The following KDM2B variants were observed in gnomAD, a reference collection of about 807,000 sequenced individuals.
The protein encoded by KDM2B is lysine demethylase 2B.
In KDM2B, 26 loss-of-function variants were observed where a neutral mutation model predicts 150.0. That is an observed-to-expected ratio of 0.17 (90% CI 0.13 to 0.24). The LOEUF is 0.24. KDM2B is among the 10% of genes least tolerant of loss of function. KDM2B has a pLI of 1.00. For missense variants in KDM2B, 1,265 were observed against 1,816.9 expected, an observed-to-expected ratio of 0.70 and a Z score of 5.52; for synonymous variants, 734 against 729.5, an observed-to-expected ratio of 1.01 and a Z score of -0.10.
At chr12:121,455,014 T>C (rs1327988342) in intron 12 of KDM2B, among the ~76,000 whole-genome samples, 2 of 152,088 alleles carry the variant, frequency 1.3e-5, no homozygotes, top group Non-Finnish European at 2.9e-5. Context: ...AACTTTCTTC[T>C]CCAGTGCAGT....
intron 21 of KDM2B, chr12:121,440,361 G>A (rs1390311463): frequency 3.5e-5 from 17 of 480,924 alleles, no homozygotes; most frequent in Non-Finnish European, 4.9e-5. Context: ...CAGCATCTCC[G>A]ATCCCCATGG....
chr12:121,425,260 A>T (rs922436393), downstream of KDM2B, among the ~76,000 whole-genome samples: 5 of 150,228 alleles, frequency 3.3e-5, no homozygotes, highest in Admixed American at 6.7e-5. Flanking sequence ...GTGAGCCAAG[A>T]TCGTGCCATT....
chr12:121,444,919 G>A, intron 14 of KDM2B: 1 of 420,630 alleles, frequency 2.4e-6, no homozygotes, highest in Non-Finnish European at 4.4e-6. Context: ...GCTGGGGGAA[G>A]GAGTGTGGTG....
downstream of KDM2B, among the ~76,000 whole-genome samples, chr12:121,424,998 C>A (rs901002880): frequency 6.6e-6 from 1 of 152,142 alleles, no homozygotes; most frequent in East Asian, 1.9e-4. Context: ...GCTCTTAACC[C>A]TTCCAGTACC....
intron 12 of KDM2B, among the ~76,000 whole-genome samples, chr12:121,464,794 G>C (rs1215026964): frequency 1.3e-5 from 2 of 152,216 alleles, no homozygotes; most frequent in Non-Finnish European, 2.9e-5. Flanking sequence ...GGGTGGGACA[G>C]AGGTACAGAG....
At chr12:121,522,453 G>A (rs1403525063) in intron 8 of KDM2B, among the ~76,000 whole-genome samples, 1 of 151,228 alleles carries the variant, frequency 6.6e-6, no homozygotes, top group Non-Finnish European at 1.5e-5. Context: ...AGGTGAGGTT[G>A]CAGTGAGCCG....
intron 10 of KDM2B, among the ~76,000 whole-genome samples, chr12:121,511,427 C>T (rs1343912564): frequency 1.3e-5 from 2 of 151,922 alleles, no homozygotes; most frequent in Non-Finnish European, 2.9e-5. Context: ...CCTGGGATTA[C>T]AGGCATGTGC....
chr12:121,410,094 C>T, the KDM2B span, among the ~76,000 whole-genome samples: 28 of 151,848 alleles, frequency 1.8e-4, no homozygotes, highest in African/African-American at 5.8e-4. Flanking sequence ...GTAGAGGTTG[C>T]GGTGAGCCAA....
chr12:121,416,014 G>A, the KDM2B span: 24 of 615,146 alleles, frequency 3.9e-5, no homozygotes, highest in Non-Finnish European at 6.3e-5. Context: ...TTTCCAAATG[G>A]CTTGAAATTT....
intron 12 of KDM2B, among the ~76,000 whole-genome samples, chr12:121,457,445 A>G (rs1285712257): frequency 6.6e-6 from 1 of 151,910 alleles, no homozygotes; most frequent in Admixed American, 6.6e-5. Flanking sequence ...TATTTTTAGT[A>G]GAGATAGCAT....
In KDM2B at chr12:121,467,918, T is replaced by G. The variant is rs1311246813; in HGVS notation, c.1735-14574A>C. On this transcript the variant is annotated intron_variant, in intron 12 of 22. Transcript: ENST00000377071. The surrounding 1 kb of genome is among the most constrained non-coding windows in gnomAD (Gnocchi z 5.1). ...GAGCCTGCAGGACCGCTGGCCTGGA[T>G]AAGCTCTGAGAGCCCAGTCTCCCCC... 6.6e-6 allele frequency: 1 copy of G among 152,296 alleles called. No individual in the cohort carries two copies. Among genetic ancestry groups the G allele is most frequent in the Non-Finnish European group, 1.5e-5 (1 of 68,144 alleles). 9.4% of individuals were successfully genotyped at this position (152,296 alleles called of 1,614,324 possible).
chr12:121,420,541 AT>A, the KDM2B span: 3 of 1,607,874 alleles, frequency 1.9e-6, no homozygotes, highest in South Asian at 2.2e-5. Context: ...GTCTGGACTT[AT>A]GGGACCAGGG....
chr12:121,572,935 C>T (rs1404160177), intron 4 of KDM2B, among the ~76,000 whole-genome samples: 1 of 151,650 alleles, frequency 6.6e-6, no homozygotes, highest in Non-Finnish European at 1.5e-5. Context: ...AAGCTATTCT[C>T]CTGCCTCAGC....
intron 13 of KDM2B, among the ~76,000 whole-genome samples, chr12:121,446,158 G>C (rs1370651232): frequency 6.6e-6 from 1 of 152,210 alleles, no homozygotes; most frequent in African/African-American, 2.4e-5. Context: ...CACTTTGGGA[G>C]GCCAAGGCGG....
chr12:121,467,913 C>G lies in KDM2B; in HGVS notation c.1735-14569G>C, dbSNP rs1358825620. Reference sequence around the variant, plus strand: ...ACCCAGAGCCTGCAGGACCGCTGGCCTGGATAAGCTCTGAGAGCCCAGTCT... The same window carrying G: ...ACCCAGAGCCTGCAGGACCGCTGGCGTGGATAAGCTCTGAGAGCCCAGTCT... On this transcript the variant is annotated intron_variant, in intron 12 of 22. Transcript: ENST00000377071. The surrounding 1 kb of genome is among the most constrained non-coding windows in gnomAD (Gnocchi z 5.1). The G allele has an allele frequency of 6.6e-6, 1 of 152,346 alleles. No individual in the cohort carries two copies. Among genetic ancestry groups the G allele is most frequent in the African/African-American group, 2.4e-5 (1 of 41,458 alleles). 9.4% of individuals were successfully genotyped at this position (152,346 alleles called of 1,614,324 possible). A position where few individuals can be genotyped will look rare whatever the true frequency, so the allele number is the denominator to read the frequency against.
chr12:121,412,645 A>C, the KDM2B span, among the ~76,000 whole-genome samples: 28,944 of 150,888 alleles, frequency 0.19, 4,272 homozygotes, highest in African/African-American at 0.41. Flanking sequence ...TCCCAAAGTG[A>C]TGAGATTACA....
intron 1 of KDM2B, 25 bp downstream of exon 1, chr12:121,580,761 T>C: frequency 6.2e-7 from 1 of 1,610,420 alleles, no homozygotes; most frequent in Non-Finnish European, 8.5e-7. Context: ...TCCTCTTCTT[T>C]CATCCACCCC....
chr12:121,489,317 TG>T (rs1203992090), intron 12 of KDM2B, among the ~76,000 whole-genome samples: 1 of 152,066 alleles, frequency 6.6e-6, no homozygotes, highest in African/African-American at 2.4e-5. Context: ...TCACCCAGGC[TG>T]GGGTGCAGTG....
At position 121,429,854 on chromosome 12, in the gene KDM2B, A is replaced by C. The variant is rs1311997576; in HGVS notation, c.*434T>G. Reference sequence around the variant, plus strand: ...TGTAAGATGTAACAAAACCAACCAAACAAAAAAAAGTGTCAAGACGGCAGC... The same window carrying C: ...TGTAAGATGTAACAAAACCAACCAACCAAAAAAAAGTGTCAAGACGGCAGC... On this transcript the variant is annotated 3_prime_UTR_variant, in exon 23 of 23. Coordinates refer to ENST00000377071, the MANE Select transcript of KDM2B (RefSeq NM_032590.5). The C allele has an allele frequency of 3.5e-6, 2 of 572,214 alleles. No homozygotes were observed. The highest frequency in any genetic ancestry group is 6.2e-6 in the Non-Finnish European group (2 of 323,024). The allele number at this position is 572,214 out of a possible 1,614,324, so 35.4% of individuals were successfully genotyped here.
Sources: gnomAD v4.1 joint callset for allele counts (sites outside exome capture counted in the v4.1 genomes callset) on GRCh38, gnomAD v4.1.1 for gene constraint, Gnocchi (gnomAD v3.1) non-coding constraint, MANE v1.5 for transcripts, NCBI Gene and HGNC (gene_info 2026-07-23, HGNC 2026-07-21) for gene names.